The following ADGRL3 variants were observed in gnomAD, a reference collection of about 807,000 sequenced individuals.
ADGRL3 encodes adhesion G protein-coupled receptor L3.
A neutral mutation model predicts 153.5 loss-of-function variants in ADGRL3; 62 were observed. That is an observed-to-expected ratio of 0.40 (90% CI 0.33 to 0.50). ADGRL3 has a LOEUF of 0.50. Ranked by LOEUF, ADGRL3 falls within the 20% of genes least tolerant of loss-of-function variation. The pLI is 0.47. For missense variants in ADGRL3, 1,641 were observed against 1,859.4 expected (o/e 0.88, Z 2.16); for synonymous variants, 710 against 672.5 (o/e 1.06, Z -0.86).
intron 25 of ADGRL3, chr4:62,063,548 G>A (rs578181532): frequency 3.3e-5 from 23 of 697,454 alleles, no homozygotes; most frequent in Non-Finnish European, 5.2e-5. Context: ...TGCTTCGTCC[G>A]CATGGTACTA....
intron 9 of ADGRL3, among the ~76,000 whole-genome samples, chr4:61,846,971 T>TGTG (rs61558862): frequency 6.8e-6 from 1 of 147,624 alleles, no homozygotes; most frequent in African/African-American, 2.6e-5. Context: ...TGTGTGTGTG[T>TGTG]ATATATATGT....
chr4:61,679,864 G>T (rs2095295262), intron 6 of ADGRL3, among the ~76,000 whole-genome samples: 1 of 151,880 alleles, frequency 6.6e-6, no homozygotes, highest in African/African-American at 2.4e-5. Context: ...TTATATAATA[G>T]TTTTAACTCA....
At chr4:61,698,899 G>A (rs747940716) in intron 6 of ADGRL3, among the ~76,000 whole-genome samples, 8 of 152,210 alleles carry the variant, frequency 5.3e-5, no homozygotes, top group Non-Finnish European at 1.2e-4. Flanking sequence ...CTTTTTAACT[G>A]TAGGGTTTTG....
chr4:61,691,154 G>A (rs11735774), intron 6 of ADGRL3, among the ~76,000 whole-genome samples: 29,820 of 152,094 alleles, frequency 0.2, 3,137 homozygotes, highest in Non-Finnish European at 0.22. Context: ...CTGCATTTGT[G>A]ATTAGCACTG....
intron 1 of ADGRL3, among the ~76,000 whole-genome samples, chr4:61,321,948 G>T (rs2095365255): frequency 6.6e-6 from 1 of 152,032 alleles, no homozygotes; most frequent in Admixed American, 6.6e-5. Context: ...AAAATTTTCT[G>T]CAACCCAGGA....
At chr4:61,684,277 A>T (rs762863767) in intron 6 of ADGRL3, among the ~76,000 whole-genome samples, 22 of 152,178 alleles carry the variant, frequency 1.4e-4, no homozygotes, top group Non-Finnish European at 2.6e-4. Context: ...GTTTAAATTA[A>T]ATAAAGCAGA....
intron 8 of ADGRL3, among the ~76,000 whole-genome samples, chr4:61,794,317 G>A (rs2097380118): frequency 6.6e-6 from 1 of 152,144 alleles, no homozygotes; most frequent in Non-Finnish European, 1.5e-5. Flanking sequence ...ACAAGATAAG[G>A]ACATGAGTGG....
intron 8 of ADGRL3, among the ~76,000 whole-genome samples, chr4:61,756,217 C>T (rs1308729905): frequency 1.3e-5 from 2 of 152,070 alleles, no homozygotes; most frequent in African/African-American, 2.4e-5. Context: ...GGCAGTATGG[C>T]CATTTTCACA....
At chr4:61,734,303 T>G (rs2151835379) in intron 8 of ADGRL3, among the ~76,000 whole-genome samples, 1 of 152,154 alleles carries the variant, frequency 6.6e-6, no homozygotes, top group East Asian at 1.9e-4. Flanking sequence ...AGGTTAAAAT[T>G]TTTAGCTAGT....
At chr4:61,581,830 AT>A (rs2098926918) in intron 4 of ADGRL3, among the ~76,000 whole-genome samples, 1 of 152,092 alleles carries the variant, frequency 6.6e-6, no homozygotes, top group Admixed American at 6.6e-5. Context: ...TCAGTCAGTC[AT>A]CAAATCATGT....
intron 8 of ADGRL3, among the ~76,000 whole-genome samples, chr4:61,796,854 G>T (rs895587933): frequency 1.3e-5 from 2 of 151,952 alleles, no homozygotes. Flanking sequence ...AAATACAAAA[G>T]GATAAAAAAA....
At position 62,016,081 on chromosome 4, in the gene ADGRL3, G is replaced by A. The variant is rs535047374; in HGVS notation, c.3396-12774G>A. Among the ~76,000 whole-genome samples the A allele has an allele frequency of 7.4e-5, 11 of 148,688 alleles. No individual in the cohort carries two copies. In the South Asian group the frequency reaches 8.5e-4, roughly 11 times the overall value. ...TTTCTCTTTTTTGAGATGGAGTCTC[G>A]CTCTGTCACCAGGCTGGAGTGCAGT... On this transcript the variant is annotated intron_variant, in intron 21 of 26. Coordinates refer to ENST00000683033, the MANE Select transcript of ADGRL3 (RefSeq NM_001387552.1).
chr4:61,303,589 TG>T (rs1437975609), intron 1 of ADGRL3, among the ~76,000 whole-genome samples: 2 of 152,176 alleles, frequency 1.3e-5, no homozygotes, highest in South Asian at 2.1e-4. Flanking sequence ...TTTTTTTAAT[TG>T]TTTGAAATCT....
intron 9 of ADGRL3, among the ~76,000 whole-genome samples, chr4:61,854,545 T>G (rs527495328): frequency 5.4e-4 from 82 of 152,294 alleles, no homozygotes; most frequent in African/African-American, 1.9e-3. Flanking sequence ...GAGTTCCTAC[T>G]GATAAAAATA....
chr4:61,301,261 C>A (rs72614718), intron 1 of ADGRL3, among the ~76,000 whole-genome samples: 18,903 of 152,140 alleles, frequency 0.12, 1,396 homozygotes, highest in South Asian at 0.27. Flanking sequence ...CACAAACGAC[C>A]TTGCAATTCA....
At chr4:61,393,263 TGTC>T (rs2096834039) in intron 2 of ADGRL3, among the ~76,000 whole-genome samples, 1 of 152,162 alleles carries the variant, frequency 6.6e-6, no homozygotes, top group Non-Finnish European at 1.5e-5. Context: ...TAGTATACTC[TGTC>T]AGAAGTCAAT....
chr4:61,275,470 A>C (rs1194173563), intron 1 of ADGRL3, among the ~76,000 whole-genome samples: 1 of 152,176 alleles, frequency 6.6e-6, no homozygotes, highest in Non-Finnish European at 1.5e-5. Flanking sequence ...CATGTTGATA[A>C]AGAGTATGCT....
At chr4:61,497,560 G>A (rs1400630826) in intron 3 of ADGRL3, among the ~76,000 whole-genome samples, 2 of 148,374 alleles carry the variant, frequency 1.3e-5, no homozygotes, top group African/African-American at 5.0e-5. Flanking sequence ...CTGTCACCCA[G>A]GCTCGAGTGC....
intron 1 of ADGRL3, among the ~76,000 whole-genome samples, chr4:61,266,109 T>A (rs547031956): frequency 1.3e-4 from 19 of 151,982 alleles, no homozygotes; most frequent in African/African-American, 4.1e-4. Flanking sequence ...TAAATTTTTT[T>A]ATACTTTATA....
Sources: gnomAD v4.1 joint callset for allele counts (sites outside exome capture counted in the v4.1 genomes callset) on GRCh38, gnomAD v4.1.1 for gene constraint, MANE v1.5 for transcripts, NCBI Gene and HGNC (gene_info 2026-07-23, HGNC 2026-07-21) for gene names.